SVEP1: variants seen among roughly 807,000 people sequenced by gnomAD.
SVEP1 encodes sushi, von Willebrand factor type A, EGF and pentraxin domain-containing protein 1.
Under a neutral mutation model 367.3 loss-of-function variants are expected in SVEP1, and 164 were observed. The ratio of observed to expected loss-of-function variants is 0.45; its 90% CI spans 0.39 to 0.51. The LOEUF (loss-of-function observed/expected upper bound fraction) is 0.51, where lower values mean the gene tolerates loss of function less well. SVEP1 is among the 20% of genes least tolerant of loss of function. The pLI is 0.00. For missense variants in SVEP1, 4,117 were observed against 4,425.3 expected (o/e 0.93, Z 1.98); for synonymous variants, 1,666 against 1,611.6 (o/e 1.03, Z -0.81).
At chr9:110,494,676 C>A (rs2118736221) in intron 8 of SVEP1, among the ~76,000 whole-genome samples, 1 of 152,268 alleles carries the variant, frequency 6.6e-6, no homozygotes, top group South Asian at 2.1e-4. Context: ...ATGTTCATGA[C>A]AGCATCGTGA....
intron 43 of SVEP1, among the ~76,000 whole-genome samples, chr9:110,380,629 T>C (rs573081095): frequency 1.3e-5 from 2 of 152,318 alleles, no homozygotes; most frequent in Admixed American, 6.5e-5. Context: ...TTGATGTTCA[T>C]CGGGGAAATT....
At position 110,472,190 on chromosome 9, in the gene SVEP1, G is replaced by A. The variant is rs772114149; in HGVS notation, c.2733C>T (p.Asp911=). 1.3e-5 allele frequency: 21 copies of A among 1,612,290 alleles called. No individual in the cohort carries two copies. Among genetic ancestry groups the A allele is most frequent in the Non-Finnish European group, 1.7e-5 (20 of 1,179,498 alleles). The change falls in exon 15 of 48, where the codon GAC becomes GAT. Residue 911 remains aspartate (D), a synonymous_variant. Transcript: ENST00000374469. ...SRIKRSAPLS[D]YKIKLIFNIT... The stretch of plus-strand genomic sequence containing the variant: ...TGTTAAAAATTAACTTAATTTTATA[G>A]TCAGATAATGGGGCACTTCTTTTAA...
intron 5 of SVEP1, among the ~76,000 whole-genome samples, chr9:110,507,480 A>C (rs185839422): frequency 6.6e-6 from 1 of 152,370 alleles, no homozygotes; most frequent in East Asian, 1.9e-4. Flanking sequence ...TGTGCATTAA[A>C]TAAAAGTTTA....
At chr9:110,400,018 C>T (rs1052670470) in intron 40 of SVEP1, among the ~76,000 whole-genome samples, 23 of 152,204 alleles carry the variant, frequency 1.5e-4, no homozygotes, top group Middle Eastern at 3.4e-3. Context: ...CTAGGTGCTG[C>T]GGAAGGGATT....
At chr9:110,450,473 T>TTTG (rs1042065529) in intron 23 of SVEP1, among the ~76,000 whole-genome samples, 3 of 145,842 alleles carry the variant, frequency 2.1e-5, no homozygotes, top group African/African-American at 7.7e-5. Flanking sequence ...ATCTGTTTTT[T>TTTG]TTTTTTTTTT....
In SVEP1 at chr9:110,455,342, G is replaced by A. The variant is rs1485105977; in HGVS notation, c.3787+248C>T. Reference sequence around the variant, plus strand: ...GGTCACACATCTAGCTGGCAAAGATGGGAACACGCCTGCTTGTTTTATAAA... The same window carrying A: ...GGTCACACATCTAGCTGGCAAAGATAGGAACACGCCTGCTTGTTTTATAAA... On this transcript the variant is annotated intron_variant, in intron 22 of 47. Transcript: ENST00000374469. Among the ~76,000 whole-genome samples the A allele has an allele frequency of 3.3e-5, 5 of 152,166 alleles. No homozygotes were observed. The East Asian group carries it at 5.8e-4, about 18-fold the overall frequency.
intron 35 of SVEP1, among the ~76,000 whole-genome samples, chr9:110,428,892 G>A (rs762688284): frequency 6.6e-6 from 1 of 152,198 alleles, no homozygotes. Context: ...ACAAAATGGC[G>A]AAACCCACAT....
At chr9:110,381,194 CTG>C (rs1474242094) in intron 43 of SVEP1, among the ~76,000 whole-genome samples, 15 of 151,920 alleles carry the variant, frequency 9.9e-5, no homozygotes, top group African/African-American at 3.6e-4. Context: ...CTTTTTGTGT[CTG>C]TATCTCCTTC....
In SVEP1 at chr9:110,528,156, G is replaced by GTGTGTGTGTGTGTATATATATATA; in HGVS notation, c.965-14051_965-14050insTATATATATATACACACACACACA. 4.1e-3 allele frequency among the ~76,000 whole-genome samples: 138 copies of GTGTGTGTGTGTGTATATATATATA among 33,918 alleles called. 2 individuals are homozygous for GTGTGTGTGTGTGTATATATATATA. The highest frequency in any genetic ancestry group is 6.7e-3 in the Non-Finnish European group (117 of 17,516). The allele number at this position is 33,918 out of a possible 152,430, so 22.3% of individuals were successfully genotyped here. ...CGTGTGTGTGTGTGTGTGTGTGTGT[G>GTGTGTGTGTGTGTATATATATATA]TATATATATATATATATATATATAT... On this transcript the variant is annotated intron_variant, in intron 3 of 47. Transcript: ENST00000374469.
At chr9:110,466,655 G>GGAGGCC (rs1828941811) in intron 17 of SVEP1, among the ~76,000 whole-genome samples, 1 of 140,866 alleles carries the variant, frequency 7.1e-6, no homozygotes, top group Non-Finnish European at 1.6e-5. Flanking sequence ...CAGCTACTTG[G>GGAGGCC]GAGGCTGAGG....
intron 38 of SVEP1, among the ~76,000 whole-genome samples, chr9:110,405,134 C>A (rs756731719): frequency 9.2e-5 from 14 of 152,086 alleles, no homozygotes; most frequent in Non-Finnish European, 1.8e-4. Context: ...TGTTATTTAC[C>A]TTATTGTGGA....
intron 1 of SVEP1, 24 bp downstream of exon 1, chr9:110,578,989 G>A (rs1407009319): frequency 6.5e-7 from 1 of 1,544,990 alleles, no homozygotes; most frequent in African/African-American, 1.4e-5. Flanking sequence ...CTAGGGCCCG[G>A]GTCGGGAGGG....
Position 110,513,020 on chromosome 9 carries a change from C to A in SVEP1, c.1209G>T (p.Gly403=). 1 of 1,613,906 alleles carries A rather than the reference C, an allele frequency of 6.2e-7. No homozygotes were observed. The highest frequency in any genetic ancestry group is 8.5e-7 in the Non-Finnish European group (1 of 1,179,866). The change falls in exon 5 of 48, where the codon GGG becomes GGT. Residue 403 remains glycine (G), a synonymous_variant. Transcript: ENST00000374469. ...GATCAAATCCAGGGTGACATCGGAC[C>A]CCACAGGCTGCATTGAAGTGGTTGT... ...TCNNHFNAAC[G]VRCHPGFDLV...
At chr9:110,536,271 TTGAACC>T (rs1185826476) in intron 3 of SVEP1, among the ~76,000 whole-genome samples, 2 of 152,114 alleles carry the variant, frequency 1.3e-5, no homozygotes, top group African/African-American at 4.8e-5. Context: ...TTTGCTTATG[TTGAACC>T]AACCTTGCAT....
At position 110,579,647 on chromosome 9, in the gene SVEP1, C is replaced by T. The variant is rs1013178495; in HGVS notation, c.-104G>A. On this transcript the variant is annotated 5_prime_UTR_variant, in exon 1 of 48. Coordinates refer to ENST00000374469, the MANE Select transcript of SVEP1 (RefSeq NM_153366.4). The surrounding 1 kb of genome is among the most constrained non-coding windows in gnomAD (Gnocchi z 5.3). ...AGAGGGGCGTGCGCGGAGCTGGGCG[C>T]GGGGCAGCGGCCAAGAGCCTCAGCG... 442 of 1,343,612 alleles carry T rather than the reference C, an allele frequency of 3.3e-4. No individual in the cohort carries two copies. The highest frequency in any genetic ancestry group is 3.8e-4 in the Non-Finnish European group (392 of 1,033,888). The allele number at this position is 1,343,612 out of a possible 1,614,324, so 83.2% of individuals were successfully genotyped here.
At chr9:110,568,782 T>C (rs900195477) in intron 1 of SVEP1, among the ~76,000 whole-genome samples, 1 of 152,176 alleles carries the variant, frequency 6.6e-6, no homozygotes, top group African/African-American at 2.4e-5. Flanking sequence ...TACACAAATA[T>C]ACATTTTAAA....
intron 3 of SVEP1, among the ~76,000 whole-genome samples, chr9:110,528,156 G>GTGTGTGTGTGTATATA: frequency 2.0e-3 from 69 of 33,932 alleles, no homozygotes; most frequent in African/African-American, 5.1e-3. Context: ...GTGTGTGTGT[G>GTGTGTGTGTGTATATA]TATATATATA....
intron 3 of SVEP1, among the ~76,000 whole-genome samples, chr9:110,535,741 T>G (rs1331232705): frequency 6.6e-6 from 1 of 152,128 alleles, no homozygotes; most frequent in African/African-American, 2.4e-5. Context: ...GTTAGCTGTA[T>G]TCCTAGGTAT....
intron 40 of SVEP1, among the ~76,000 whole-genome samples, chr9:110,392,307 G>C (rs1827673229): frequency 6.6e-6 from 1 of 151,814 alleles, no homozygotes; most frequent in Non-Finnish European, 1.5e-5. Context: ...CTGGGTCATT[G>C]GTCCTGTATC....
Sources: gnomAD v4.1 joint callset for allele counts (sites outside exome capture counted in the v4.1 genomes callset) on GRCh38, gnomAD v4.1.1 for gene constraint, Gnocchi (gnomAD v3.1) non-coding constraint, MANE v1.5 for transcripts, NCBI Gene and HGNC (gene_info 2026-07-23, HGNC 2026-07-21) for gene names.